Variants in KAZN observed in about 807,000 individuals in gnomAD.
KAZN encodes kazrin, periplakin interacting protein.
Under a neutral mutation model 87.4 loss-of-function variants are expected in KAZN, and 40 were observed. The ratio of observed to expected loss-of-function variants is 0.46; its 90% CI spans 0.36 to 0.60. The LOEUF (loss-of-function observed/expected upper bound fraction) is 0.60, where lower values mean the gene tolerates loss of function less well. Among genes scored for constraint, KAZN ranks in the 20% least tolerant of loss-of-function variants. KAZN has a pLI of 0.00. For missense variants in KAZN, 898 were observed against 1,073.9 expected (o/e 0.84, Z 2.29); for synonymous variants, 466 against 458.3 (o/e 1.02, Z -0.22).
chr1:14,542,652 C>T (rs1020634002), intron 2 of KAZN, among the ~76,000 whole-genome samples: 3 of 152,142 alleles, frequency 2.0e-5, no homozygotes, highest in Non-Finnish European at 2.9e-5. Flanking sequence ...GATCCCGTCA[C>T]CCTGGTAGTG....
intron 1 of KAZN, among the ~76,000 whole-genome samples, chr1:14,776,393 GCCCACCAAAGGCACATGA>G (rs1645176389): frequency 6.6e-6 from 1 of 152,194 alleles, no homozygotes; most frequent in African/African-American, 2.4e-5. Flanking sequence ...AGAGTGCTAT[GCCCACCAAAGGCACATGA>G]CCCAGACCCC....
At chr1:14,999,771 C>T (rs1668281787) in intron 2 of KAZN, among the ~76,000 whole-genome samples, 1 of 152,234 alleles carries the variant, frequency 6.6e-6, no homozygotes, top group African/African-American at 2.4e-5. Context: ...CAGGCCAGGC[C>T]TGGACCCAGA....
chr1:14,960,914 T>C, intron 2 of KAZN, 39 bp downstream of exon 2: 10 of 1,573,978 alleles, frequency 6.4e-6, no homozygotes, highest in East Asian at 2.3e-5. Flanking sequence ...CGCTGGGAGC[T>C]CAGGCCCCAG....
Position 14,921,196 on chromosome 1 carries a change from A to C in KAZN, c.227-39488A>C, listed in dbSNP as rs192452060. Among the ~76,000 whole-genome samples the C allele has an allele frequency of 2.9e-3, 432 of 150,988 alleles. 1 individual carries two copies. The highest frequency in any genetic ancestry group is 0.014 in the Middle Eastern group (4 of 292). ...CACACACACACACACACATTCACAC[A>C]GAGCCACGGCCAAACTGCACTGAGT... On this transcript the variant is annotated intron_variant, in intron 1 of 14. Coordinates refer to ENST00000376030, the MANE Select transcript of KAZN (RefSeq NM_201628.3).
At chr1:14,728,179 G>A (rs940814319) in intron 1 of KAZN, among the ~76,000 whole-genome samples, 44 of 151,104 alleles carry the variant, frequency 2.9e-4, no homozygotes, top group Admixed American at 2.4e-3. Context: ...CCAGCTACTC[G>A]GGAGGCTGAG....
In KAZN at chr1:14,607,960, GAGTT is replaced by G. The variant is rs1211381697; in HGVS notation, c.226+8740_226+8743del. Among the ~76,000 whole-genome samples, 3 of 152,332 alleles carry G rather than the reference GAGTT, an allele frequency of 2.0e-5. No individual in the cohort carries two copies. The South Asian group carries it at 6.2e-4, about 32-fold the overall frequency. On this transcript the variant is annotated intron_variant, in intron 1 of 14. Coordinates refer to ENST00000376030, the MANE Select transcript of KAZN (RefSeq NM_201628.3). ...CCTCAATTTACCTTCATATTACAGAGAGTTAGATATTGTTATCCTCTCCATTCCA... is the reference window on the plus strand; with the variant it reads ...CCTCAATTTACCTTCATATTACAGAGAGATATTGTTATCCTCTCCATTCCA...
At chr1:14,360,144 ATTCTTTT>A (rs1296013118) in intron 2 of KAZN, among the ~76,000 whole-genome samples, 1 of 151,936 alleles carries the variant, frequency 6.6e-6, no homozygotes, top group Non-Finnish European at 1.5e-5. Flanking sequence ...ATTCCTTTTC[ATTCTTTT>A]TTCTCTAGTC....
At chr1:13,916,617 G>C (rs953582950) in intron 1 of KAZN, among the ~76,000 whole-genome samples, 1 of 152,202 alleles carries the variant, frequency 6.6e-6, no homozygotes, top group Non-Finnish European at 1.5e-5. Context: ...TCATACAAAT[G>C]TATGTAAAAT....
At chr1:15,098,299 T>G (rs1398504596) in intron 10 of KAZN, among the ~76,000 whole-genome samples, 2 of 152,258 alleles carry the variant, frequency 1.3e-5, no homozygotes, top group Non-Finnish European at 2.9e-5. Flanking sequence ...TTTATTCAAC[T>G]TGGGCTCTTA....
At position 15,099,250 on chromosome 1, in the gene KAZN, G is replaced by A. The variant is rs956088114; in HGVS notation, c.1548-2293G>A. Among the ~76,000 whole-genome samples the A allele has an allele frequency of 6.6e-6, 1 of 152,334 alleles. No individual in the cohort carries two copies. ...CTGCTCTTAGCCATTATTCCAGGAAGCATTCAATCAGTGTCTACTGTGCAC... is the reference window on the plus strand; with the variant it reads ...CTGCTCTTAGCCATTATTCCAGGAAACATTCAATCAGTGTCTACTGTGCAC... On this transcript the variant is annotated intron_variant, in intron 10 of 14. Coordinates refer to ENST00000376030, the MANE Select transcript of KAZN (RefSeq NM_201628.3). The surrounding 1 kb of genome is among the most constrained non-coding windows in gnomAD (Gnocchi z 5.4).
At chr1:14,812,819 C>T (rs1646453517) in intron 1 of KAZN, among the ~76,000 whole-genome samples, 1 of 152,174 alleles carries the variant, frequency 6.6e-6, no homozygotes, top group Non-Finnish European at 1.5e-5. Flanking sequence ...CAGACTTAAG[C>T]TTGATTTGTC....
chr1:14,924,449 G>T (rs931770988), intron 1 of KAZN: 3 of 988,490 alleles, frequency 3.0e-6, no homozygotes, highest in South Asian at 4.5e-5. Flanking sequence ...CGGGGCGGGG[G>T]CCGGGCCCGC....
chr1:13,983,134 G>C lies in KAZN; in HGVS notation c.91+89378G>C, dbSNP rs180940127. 1.9e-3 allele frequency among the ~76,000 whole-genome samples: 290 copies of C among 152,398 alleles called. 2 individuals carry two copies. Among genetic ancestry groups the C allele is most frequent in the African/African-American group, 6.8e-3 (285 of 41,606 alleles). ...ATCTCGCACGGGGGCTGCAGGTGGA[G>C]CTGCCTGGCAGTCCCGCGCCCTGCG... On this transcript the variant is annotated intron_variant, in intron 1 of 16. Coordinates refer to the KAZN transcript ENST00000636203.
At chr1:15,072,845 G>T (rs568406395) in intron 8 of KAZN, among the ~76,000 whole-genome samples, 1 of 152,254 alleles carries the variant, frequency 6.6e-6, no homozygotes, top group South Asian at 2.1e-4. Context: ...CCCTCTCAGG[G>T]CCTGCTGAGC....
At chr1:14,465,038 C>T (rs1168590524) in intron 2 of KAZN, among the ~76,000 whole-genome samples, 3 of 152,090 alleles carry the variant, frequency 2.0e-5, no homozygotes, top group Admixed American at 6.6e-5. Flanking sequence ...TTTTCTGTCT[C>T]ACACCATGTC....
intron 2 of KAZN, among the ~76,000 whole-genome samples, chr1:14,985,023 CT>C (rs1666635919): frequency 1.3e-5 from 2 of 151,770 alleles, no homozygotes; most frequent in African/African-American, 4.8e-5. Flanking sequence ...GTAGTCCCAG[CT>C]ACTCAGGAGG....
At chr1:14,743,732 T>C (rs996472555) in intron 1 of KAZN, among the ~76,000 whole-genome samples, 4 of 152,152 alleles carry the variant, frequency 2.6e-5, no homozygotes, top group Admixed American at 1.3e-4. Context: ...CACCCTCCAC[T>C]ACTCCCTGCT....
chr1:14,153,620 C>CAA (rs199533815), intron 1 of KAZN, among the ~76,000 whole-genome samples: 10 of 151,590 alleles, frequency 6.6e-5, no homozygotes, highest in East Asian at 5.9e-4. Context: ...ACTAAAAATA[C>CAA]AAAAAAATTA....
chr1:15,072,968 C>A (rs931666390), intron 8 of KAZN, among the ~76,000 whole-genome samples: 2 of 152,146 alleles, frequency 1.3e-5, no homozygotes, highest in Admixed American at 6.5e-5. Context: ...GAGGAAGAGA[C>A]CGGCAAAATA....
Sources: allele counts gnomAD v4.1 joint callset (sites outside exome capture counted in the v4.1 genomes callset), GRCh38; gene constraint gnomAD v4.1.1; non-coding constraint Gnocchi (gnomAD v3.1); transcripts MANE v1.5; gene names NCBI Gene and HGNC (gene_info 2026-07-23, HGNC 2026-07-21).